Variants in KPNA7 observed in about 807,000 individuals in gnomAD.
The protein encoded by KPNA7 is importin subunit alpha-8.
In KPNA7, 54 loss-of-function variants were observed where a neutral mutation model predicts 53.7. The ratio of observed to expected loss-of-function variants is 1.01; its 90% CI spans 0.81 to 1.26. The LOEUF is 1.26. Ranked by LOEUF, KPNA7 falls within the 50% of genes most tolerant of loss-of-function variation. KPNA7 has a pLI of 0.00. For missense variants in KPNA7, 640 were observed against 644.5 expected, an observed-to-expected ratio of 0.99 and a Z score of 0.07; for synonymous variants, 276 against 259.3, an observed-to-expected ratio of 1.06 and a Z score of -0.62.
rs1339659214 is a variant in KPNA7, at chr7:99,177,971, GT to G, written c.1412del (p.Asn471ThrfsTer9). ...TCAAAGCCGACTGGCCAATTTGACG[GT>G]TCTCATGCAGCTGTAAAGCCTCAAT... ...DRIEALQLHE[N>X]RQIGQSALNI... On this transcript the variant is annotated frameshift_variant, in exon 10 of 11. Coordinates refer to ENST00000327442, the MANE Select transcript of KPNA7 (RefSeq NM_001145715.3). LOFTEE classifies it high-confidence loss of function. 1 of 1,551,822 alleles carries G rather than the reference GT, an allele frequency of 6.4e-7. No homozygotes were observed. Among genetic ancestry groups the G allele is most frequent in the African/African-American group, 1.4e-5 (1 of 72,998 alleles).
At position 99,205,814 on chromosome 7, in the gene KPNA7, G is replaced by T. The variant is rs557478045; in HGVS notation, c.66+1587C>A. On this transcript the variant is annotated intron_variant, in intron 2 of 10. Coordinates refer to ENST00000327442, the MANE Select transcript of KPNA7 (RefSeq NM_001145715.3). ...TGCAGTGAGCCAAGATCACACTGCT[G>T]CACTCCAGCCTGGACTATGAAGCAA... is the stretch of plus-strand genomic sequence containing the variant. Among the ~76,000 whole-genome samples, 3 of 152,314 alleles carry T rather than the reference G, an allele frequency of 2.0e-5. No individual in the cohort carries two copies. In the East Asian group the frequency reaches 5.8e-4, roughly 29 times the overall value.
intron 8 of KPNA7, 84 bp downstream of exon 8, chr7:99,184,845 A>AC (rs1789491535): frequency 8.8e-7 from 1 of 1,131,212 alleles, no homozygotes; most frequent in Non-Finnish European, 1.3e-6. Context: ...TTGCTTCTGC[A>AC]CCTGTGTCTG....
intron 8 of KPNA7, among the ~76,000 whole-genome samples, chr7:99,183,051 T>C (rs1275873496): frequency 6.6e-6 from 1 of 152,120 alleles, no homozygotes; most frequent in Non-Finnish European, 1.5e-5. Flanking sequence ...AGCTCAGGTG[T>C]TAGAGACTAG....
At position 99,181,096 on chromosome 7, in the gene KPNA7, C is replaced by CATCTGT. The variant is rs1799234169; in HGVS notation, c.1317+786_1317+787insACAGAT. 1.4e-4 allele frequency among the ~76,000 whole-genome samples: 2 copies of CATCTGT among 13,844 alleles called. 1 individual carries two copies. Among genetic ancestry groups the CATCTGT allele is most frequent in the African/African-American group, 3.0e-4 (2 of 6,576 alleles). 9.1% of individuals were successfully genotyped at this position (13,844 alleles called of 152,430 possible). A position where few individuals can be genotyped will look rare whatever the true frequency, so the allele number is the denominator to read the frequency against. ...CCATCTGTGTCTCTCTCTCTCTCTCCGTCTGTGTCTCTCTCTCCGTCTGTG... is the reference window on the plus strand; with the variant it reads ...CCATCTGTGTCTCTCTCTCTCTCTCCATCTGTGTCTGTGTCTCTCTCTCCGTCTGTG... On this transcript the variant is annotated intron_variant, in intron 9 of 10. Coordinates refer to ENST00000327442, the MANE Select transcript of KPNA7 (RefSeq NM_001145715.3).
the KPNA7 span, among the ~76,000 whole-genome samples, chr7:99,150,423 C>CTTTTT: frequency 1.4e-4 from 18 of 132,444 alleles, 4 homozygotes; most frequent in Admixed American, 3.3e-4. Flanking sequence ...TCATTCTTCT[C>CTTTTT]TTTTTTTTGA....
the KPNA7 span, among the ~76,000 whole-genome samples, chr7:99,152,247 A>C: frequency 1.3e-5 from 2 of 151,994 alleles, no homozygotes; most frequent in Non-Finnish European, 2.9e-5. Flanking sequence ...CTATAATCCC[A>C]GTTACACGGG....
chr7:99,206,420 G>A (rs1790818613), intron 2 of KPNA7, among the ~76,000 whole-genome samples: 1 of 151,968 alleles, frequency 6.6e-6, no homozygotes, highest in Admixed American at 6.6e-5. Context: ...GCCTCCCAAA[G>A]TGCTGGAATT....
intron 10 of KPNA7, among the ~76,000 whole-genome samples, chr7:99,174,105 T>TA (rs1454762958): frequency 1.3e-5 from 2 of 151,630 alleles, no homozygotes; most frequent in Non-Finnish European, 2.9e-5. Flanking sequence ...AAGCTTCATC[T>TA]GTATTTACAG....
chr7:99,181,312 C>T (rs575179231), intron 9 of KPNA7, among the ~76,000 whole-genome samples: 18 of 152,274 alleles, frequency 1.2e-4, no homozygotes, highest in African/African-American at 4.3e-4. Flanking sequence ...ATCCGATTTA[C>T]TTTATCCATA....
chr7:99,156,771 C>T, the KPNA7 span, among the ~76,000 whole-genome samples: 1 of 152,062 alleles, frequency 6.6e-6, no homozygotes, highest in Non-Finnish European at 1.5e-5. Flanking sequence ...ATGATCCACC[C>T]CCCTTGGCCT....
chr7:99,185,248 A>G, intron 7 of KPNA7, 86 bp from the exon 8 acceptor site: 1 of 913,466 alleles, frequency 1.1e-6, no homozygotes, highest in East Asian at 2.6e-5. Flanking sequence ...TCTCTCCCAA[A>G]CATTGTCATG....
the KPNA7 span, among the ~76,000 whole-genome samples, chr7:99,163,383 A>ATATATATATTT: frequency 2.5e-5 from 1 of 40,804 alleles, no homozygotes; most frequent in Non-Finnish European, 4.2e-5. Context: ...ATATATATAT[A>ATATATATATTT]TTTTTTTTTT....
intron 9 of KPNA7, among the ~76,000 whole-genome samples, chr7:99,180,167 G>A (rs1438524895): frequency 6.6e-6 from 1 of 152,196 alleles, no homozygotes; most frequent in East Asian, 1.9e-4. Flanking sequence ...AGGTCCATGT[G>A]TCCAAGTGAC....
intron 7 of KPNA7, 105 bp downstream of exon 7, chr7:99,188,195 A>AAAGAG: frequency 1.6e-6 from 1 of 637,954 alleles, no homozygotes; most frequent in East Asian, 4.0e-5. Context: ...AAAAAAAAAA[A>AAAGAG]AAAGCAAAGA....
Position 99,193,021 on chromosome 7 carries a change from G to A in KPNA7, c.634C>T (p.Pro212Ser), listed in dbSNP as rs1328044109. Reference sequence around the variant, plus strand: ...AAGAGAAAGAAAAAGACACTTACCGGCAGGGTGGGTGAAATCAAGGCTAGG... The same window carrying A: ...AAGAGAAAGAAAAAGACACTTACCGACAGGGTGGGTGAAATCAAGGCTAGG... ...HLLALISPTL[P>S]ITFLRNITWT... is the part of the protein sequence containing the mutation. Residue 212 changes from proline (P) to serine (S), a missense_variant and splice_region_variant, in exon 6 of 11, where the codon CCG (proline) becomes TCG (serine). Physicochemically the swap from Pro to Ser is moderately conservative, Grantham distance 74. Transcript: ENST00000327442. 5 of 1,496,668 alleles carry A rather than the reference G, an allele frequency of 3.3e-6. No homozygotes were observed. The East Asian group carries it at 7.6e-5, about 23-fold the overall frequency. 92.7% of individuals were successfully genotyped at this position (1,496,668 alleles called of 1,614,324 possible).
At chr7:99,186,939 A>G (rs1314799505) in intron 7 of KPNA7, among the ~76,000 whole-genome samples, 1 of 152,210 alleles carries the variant, frequency 6.6e-6, no homozygotes, top group Non-Finnish European at 1.5e-5. Context: ...GACATCTTCA[A>G]TATAATGCAC....
Position 99,207,824 on chromosome 7 carries a change from C to T in KPNA7, c.-24+204G>A, listed in dbSNP as rs375309801. 1.4e-4 allele frequency among the ~76,000 whole-genome samples: 21 copies of T among 151,322 alleles called. No individual in the cohort carries two copies. The East Asian group carries it at 2.2e-3, about 16-fold the overall frequency. On this transcript the variant is annotated intron_variant, in intron 1 of 10. Coordinates refer to ENST00000327442, the MANE Select transcript of KPNA7 (RefSeq NM_001145715.3). ...CTAATTTTTGTCTTTTTAGTAGAGA[C>T]GGGGTTTCACCACGTTGGCCAGGCT...
intron 5 of KPNA7, 21 bp downstream of exon 5, chr7:99,195,049 C>A (rs1246233233): frequency 3.2e-6 from 5 of 1,548,504 alleles, no homozygotes; most frequent in African/African-American, 1.4e-5. Flanking sequence ...TTTTCTTAGC[C>A]CACTAAGGGG....
At chr7:99,155,961 T>A in the KPNA7 span, among the ~76,000 whole-genome samples, 3 of 152,130 alleles carry the variant, frequency 2.0e-5, no homozygotes, top group African/African-American at 7.2e-5. Context: ...CGAATCAACT[T>A]CATTCTTCTT....
Sources: gnomAD v4.1 joint callset for allele counts (sites outside exome capture counted in the v4.1 genomes callset) on GRCh38, gnomAD v4.1.1 for gene constraint, MANE v1.5 for transcripts, NCBI Gene and HGNC (gene_info 2026-07-23, HGNC 2026-07-21) for gene names.